ARSB: variants seen among roughly 807,000 people sequenced by gnomAD.
ARSB encodes N-acetylgalactosamine-4-sulfatase.
A neutral mutation model predicts 50.9 loss-of-function variants in ARSB; 41 were observed. The ratio of observed to expected loss-of-function variants is 0.81; its 90% confidence interval spans 0.63 to 1.04. ARSB has a LOEUF of 1.04. Ranked by LOEUF, ARSB falls within the 50% of genes least tolerant of loss-of-function variation. The pLI is 0.00. For missense variants in ARSB, 672 were observed against 693.3 expected, an observed-to-expected ratio of 0.97 and a Z score of 0.35; for synonymous variants, 269 against 284.8, an observed-to-expected ratio of 0.94 and a Z score of 0.56.
intron 6 of ARSB, among the ~76,000 whole-genome samples, chr5:78,798,502 C>T (rs569596309): frequency 1.3e-5 from 2 of 152,158 alleles, no homozygotes; most frequent in East Asian, 3.9e-4. Flanking sequence ...AGAAAGACCC[C>T]CCCGCCCCCT....
At position 78,853,157 on chromosome 5, in the gene ARSB, C is replaced by G. The variant is rs138392183; in HGVS notation, c.1143-13731G>C. On this transcript the variant is annotated intron_variant, in intron 5 of 7. Coordinates refer to ENST00000264914, the MANE Select transcript of ARSB (RefSeq NM_000046.5). ...TCTGTTTTTAGAGTTTCCAGTTTTT[C>G]TGCTCTGTTTTTTCCCCATCTTTGT... 7.5e-3 allele frequency among the ~76,000 whole-genome samples: 1,150 copies of G among 152,338 alleles called. 12 individuals are homozygous for G. The highest frequency in any genetic ancestry group is 0.025 in the African/African-American group (1,038 of 41,562).
At chr5:78,928,779 A>G (rs1750181549) in intron 4 of ARSB, among the ~76,000 whole-genome samples, 1 of 152,242 alleles carries the variant, frequency 6.6e-6, no homozygotes, top group South Asian at 2.1e-4. Context: ...TGCCTGTTTT[A>G]ATATAACAAT....
intron 6 of ARSB, among the ~76,000 whole-genome samples, chr5:78,831,642 C>G (rs1581013905): frequency 6.6e-6 from 1 of 152,164 alleles, no homozygotes; most frequent in East Asian, 1.9e-4. Flanking sequence ...CGGGTCTGAA[C>G]AGCCCTGAGT....
At chr5:78,954,487 T>C (rs918618725) in intron 4 of ARSB, among the ~76,000 whole-genome samples, 1 of 152,172 alleles carries the variant, frequency 6.6e-6, no homozygotes, top group Non-Finnish European at 1.5e-5. Context: ...TAATAACATA[T>C]ATAACTTTTA....
rs1257596619 is a variant in ARSB, at chr5:78,825,594, AAC to A, written c.1213+13760_1213+13761del. ...AAAAAATAACCCAGATCCAATCTTCAACTTTCTTTAAATAAAATGTATTTATG... is the reference window on the plus strand; with the variant it reads ...AAAAAATAACCCAGATCCAATCTTCATTTCTTTAAATAAAATGTATTTATG... On this transcript the variant is annotated intron_variant, in intron 6 of 7. Transcript: ENST00000264914. Among the ~76,000 whole-genome samples the A allele has an allele frequency of 2.6e-5, 4 of 152,346 alleles. No individual in the cohort carries two copies. The East Asian group carries it at 7.7e-4, about 29-fold the overall frequency.
chr5:78,935,918 CCTCCCCTCTCCTCCA>C (rs1750560597), intron 4 of ARSB, among the ~76,000 whole-genome samples: 1 of 133,794 alleles, frequency 7.5e-6, no homozygotes, highest in African/African-American at 2.7e-5. Context: ...CGTTCTCTCT[CCTCCCCTCTCCTCCA>C]CTCCCCTCCC....
chr5:78,897,924 A>G (rs1448571938), intron 4 of ARSB, among the ~76,000 whole-genome samples: 1 of 152,214 alleles, frequency 6.6e-6, no homozygotes, highest in Non-Finnish European at 1.5e-5. Flanking sequence ...GAAAAAATAG[A>G]TAACGTACAT....
chr5:78,876,911 T>C (rs1330346762), intron 5 of ARSB, among the ~76,000 whole-genome samples: 1 of 152,166 alleles, frequency 6.6e-6, no homozygotes, highest in Non-Finnish European at 1.5e-5. Context: ...GAACTGCGCA[T>C]GCGAGGGATC....
intron 3 of ARSB, among the ~76,000 whole-genome samples, chr5:78,957,317 T>C: frequency 6.6e-6 from 1 of 152,220 alleles, no homozygotes; most frequent in South Asian, 2.1e-4. Context: ...TTCTTCATTG[T>C]TGACAAGTTG....
rs760363573 is a variant in ARSB at position 78,780,520 on chromosome 5, G to A, written c.1479C>T (p.His493=). Reference sequence around the variant, plus strand: ...GGCGGGACAGGAGCTTTGTGACGATGTGAGGATATTCTCTGGACAGGTCAT... The same window carrying A: ...GGCGGGACAGGAGCTTTGTGACGATATGAGGATATTCTCTGGACAGGTCAT... The part of the protein sequence containing the change: ...ERHDLSREYP[H]IVTKLLSRLQ... The change falls in exon 8 of 8, where the codon CAC becomes CAT. Residue 493 remains histidine (H), a synonymous_variant. Coordinates refer to ENST00000264914, the MANE Select transcript of ARSB (RefSeq NM_000046.5). The A allele has an allele frequency of 6.2e-7, 1 of 1,614,146 alleles. No individual in the cohort carries two copies. Among genetic ancestry groups the A allele is most frequent in the Non-Finnish European group, 8.5e-7 (1 of 1,180,026 alleles).
intron 6 of ARSB, among the ~76,000 whole-genome samples, chr5:78,784,135 A>G (rs1749016793): frequency 6.6e-6 from 1 of 152,240 alleles, no homozygotes; most frequent in African/African-American, 2.4e-5. Context: ...TCCTTCAGCC[A>G]TTTTAAAATG....
At chr5:78,932,741 G>T (rs1421903673) in intron 4 of ARSB, among the ~76,000 whole-genome samples, 1 of 152,204 alleles carries the variant, frequency 6.6e-6, no homozygotes, top group Non-Finnish European at 1.5e-5. Context: ...TACATGTAAA[G>T]TGCTTGGCAC....
chr5:78,817,039 C>T (rs1032343815), intron 6 of ARSB: 17 of 974,826 alleles, frequency 1.7e-5, no homozygotes, highest in Non-Finnish European at 2.1e-5. Flanking sequence ...TGGTAATTTG[C>T]TATACAGCGA....
In ARSB at chr5:78,781,969, T is replaced by G; in HGVS notation, c.1219A>C (p.Arg407=). The stretch of plus-strand genomic sequence containing the variant: ...TCCTTTGCTGGAGCCATGCTGTTCC[T>G]GGGACCTGGGAAGAAATAGTTTGAA... ...PNFVDSSPCP[R]NSMAPAKDDS... Residue 407 remains arginine (R), a synonymous_variant, in exon 7 of 8, where the codon AGG becomes CGG. Transcript: ENST00000264914. The G allele has an allele frequency of 6.2e-7, 1 of 1,614,144 alleles. No homozygotes were observed. Among genetic ancestry groups the G allele is most frequent in the South Asian group, 1.1e-5 (1 of 91,088 alleles).
At chr5:78,850,124 A>T (rs1419583001) in intron 5 of ARSB, among the ~76,000 whole-genome samples, 1 of 151,994 alleles carries the variant, frequency 6.6e-6, no homozygotes, top group Non-Finnish European at 1.5e-5. Flanking sequence ...GAGAGAGGGC[A>T]TCCCTGTCTT....
chr5:78,785,182 C>T (rs183565073), intron 6 of ARSB, among the ~76,000 whole-genome samples: 1 of 152,116 alleles, frequency 6.6e-6, no homozygotes, highest in Non-Finnish European at 1.5e-5. Flanking sequence ...TCATTAACTT[C>T]TTTTATCTTT....
chr5:78,963,666 T>G (rs924792645), intron 3 of ARSB, among the ~76,000 whole-genome samples: 20 of 152,254 alleles, frequency 1.3e-4, no homozygotes, highest in African/African-American at 4.8e-4. Flanking sequence ...ATCATAATAA[T>G]AAGATTATTC....
intron 6 of ARSB, among the ~76,000 whole-genome samples, chr5:78,809,197 C>T (rs1743702995): frequency 6.6e-6 from 1 of 152,154 alleles, no homozygotes; most frequent in Non-Finnish European, 1.5e-5. Context: ...GCTGAGCGGG[C>T]ACCGAGGGGG....
At chr5:78,817,111 A>T (rs1448156593) in intron 6 of ARSB, 1 of 985,300 alleles carries the variant, frequency 1.0e-6, no homozygotes, top group African/African-American at 1.7e-5. Context: ...TGTCTTCCGG[A>T]CTTCAGTTCA....
Sources: gnomAD v4.1 joint callset for allele counts (sites outside exome capture counted in the v4.1 genomes callset) on GRCh38, gnomAD v4.1.1 for gene constraint, MANE v1.5 for transcripts, NCBI Gene and HGNC (gene_info 2026-07-23, HGNC 2026-07-21) for gene names.